SH3KBP1: variants seen among roughly 807,000 people sequenced by gnomAD.
The protein encoded by SH3KBP1 is SH3 domain-containing kinase-binding protein 1.
SH3KBP1 carries 8 observed loss-of-function variants against 50.1 expected under a neutral mutation model. The ratio of observed to expected loss-of-function variants is 0.16; its 90% CI spans 0.09 to 0.29. The LOEUF (loss-of-function observed/expected upper bound fraction) is 0.29. Ranked by LOEUF, SH3KBP1 falls within the 10% of genes least tolerant of loss-of-function variation. The pLI, the probability that SH3KBP1 is intolerant of heterozygous loss-of-function variation, is 1.00. For synonymous variants in SH3KBP1, 227 were observed against 218.6 expected (o/e 1.04, Z -0.34); for missense variants, 377 against 535.2 (o/e 0.70, Z 2.92).
At chrX:19,755,417 C>A (rs754993107) in intron 2 of SH3KBP1, among the ~76,000 whole-genome samples, 3 of 111,580 alleles carry the variant, frequency 2.7e-5, no homozygotes, top group Non-Finnish European at 5.7e-5. Flanking sequence ...AAGAATATAA[C>A]ATAGCAAACA....
At chrX:19,537,826 T>C (rs1045040286) in intron 16 of SH3KBP1, 46 bp from the exon 17 acceptor site, 14 of 1,037,771 alleles carry the variant, frequency 1.3e-5, no homozygotes, top group Admixed American at 1.3e-4. Context: ...CCAGACTTCC[T>C]TCATCAGAGA....
chrX:19,681,316 T>C (rs2063045453), intron 6 of SH3KBP1, among the ~76,000 whole-genome samples: 1 of 112,284 alleles, frequency 8.9e-6, no homozygotes, highest in Non-Finnish European at 1.9e-5. Flanking sequence ...CAGTGAACTA[T>C]ACAATTGATA....
chrX:19,798,466 G>C (rs1207512300), intron 2 of SH3KBP1, among the ~76,000 whole-genome samples: 1 of 111,172 alleles, frequency 9.0e-6, no homozygotes, highest in African/African-American at 3.3e-5. Context: ...AAGCTGGACG[G>C]GAAAGGGGTC....
rs746337763 is a variant in SH3KBP1, at chrX:19,847,415, G to A, written c.5-11133C>T. Among the ~76,000 whole-genome samples the A allele has an allele frequency of 1.8e-4, 20 of 110,875 alleles. No homozygotes were observed. The South Asian group carries it at 5.9e-3, about 33-fold the overall frequency. On this transcript the variant is annotated intron_variant, in intron 1 of 17. Transcript: ENST00000397821. ...AGGCACTCAAGAAATGCTTGTTGTC[G>A]AGGGGCAAGAAACTTGCAAGGATGA... is the stretch of plus-strand genomic sequence containing the variant.
intron 8 of SH3KBP1, 110 bp from the exon 9 acceptor site, chrX:19,608,155 G>A (rs2067297227): frequency 3.5e-6 from 2 of 572,577 alleles, no homozygotes; most frequent in African/African-American, 4.7e-5. Context: ...CCGTGTTAAT[G>A]AGGCAATGGT....
intron 3 of SH3KBP1, among the ~76,000 whole-genome samples, chrX:19,730,187 A>AT (rs1337423748): frequency 9.0e-6 from 1 of 111,460 alleles, no homozygotes; most frequent in Non-Finnish European, 1.9e-5. Context: ...AACTGGTATC[A>AT]TTTTTTCCCT....
intron 16 of SH3KBP1, among the ~76,000 whole-genome samples, chrX:19,541,718 C>G (rs183495882): frequency 8.9e-6 from 1 of 112,216 alleles, no homozygotes. Context: ...TTCCTGCACA[C>G]AGTAAGTCCA....
At chrX:19,635,407 C>T (rs1304622481) in intron 7 of SH3KBP1, among the ~76,000 whole-genome samples, 3 of 105,366 alleles carry the variant, frequency 2.8e-5, no homozygotes, top group Admixed American at 2.1e-4. Context: ...CAACACATAC[C>T]AGGGCCTGTT....
intron 3 of SH3KBP1, among the ~76,000 whole-genome samples, chrX:19,743,328 A>G (rs1489357032): frequency 9.1e-6 from 1 of 109,994 alleles, no homozygotes; most frequent in Non-Finnish European, 1.9e-5. Context: ...GGATCACCTG[A>G]GCCTGGGGAG....
intron 3 of SH3KBP1, among the ~76,000 whole-genome samples, chrX:19,743,286 T>C (rs919632862): frequency 9.1e-6 from 1 of 110,283 alleles, no homozygotes; most frequent in Non-Finnish European, 1.9e-5. Context: ...TCGTACCTTG[T>C]AGTCCCAGCT....
chrX:19,781,398 G>A (rs1036779901), intron 2 of SH3KBP1, among the ~76,000 whole-genome samples: 11 of 110,415 alleles, frequency 1.0e-4, no homozygotes, highest in Admixed American at 1.9e-4. Flanking sequence ...TGGGAGGATC[G>A]CTTAAGTACA....
At chrX:19,799,857 G>A in intron 2 of SH3KBP1, 2 of 994,788 alleles carry the variant, frequency 2.0e-6, no homozygotes, top group Non-Finnish European at 2.6e-6. Flanking sequence ...TCACACTGGT[G>A]GTTTTTTTGT....
At chrX:19,663,411 T>C (rs1213938753) in intron 6 of SH3KBP1, among the ~76,000 whole-genome samples, 1 of 111,807 alleles carries the variant, frequency 8.9e-6, no homozygotes, top group Non-Finnish European at 1.9e-5. Context: ...TGTCCTTTTC[T>C]ATTACAATGG....
intron 1 of SH3KBP1, among the ~76,000 whole-genome samples, chrX:19,836,505 A>G (rs2068060940): frequency 8.9e-6 from 1 of 111,899 alleles, no homozygotes; most frequent in African/African-American, 3.3e-5. Context: ...AGGGTGGCCT[A>G]CAGGTCTTGG....
At chrX:19,829,988 G>A (rs773385090) in intron 2 of SH3KBP1, among the ~76,000 whole-genome samples, 9 of 111,271 alleles carry the variant, frequency 8.1e-5, no homozygotes, top group South Asian at 7.7e-4. Flanking sequence ...TCATGGCACC[G>A]TTGGGAGTGT....
intron 13 of SH3KBP1, among the ~76,000 whole-genome samples, chrX:19,565,051 A>ATTTTTTTTTTTTTTTTTTT (rs59323105): frequency 4.5e-5 from 3 of 66,520 alleles, no homozygotes; most frequent in African/African-American, 2.3e-4. Context: ...TTCAACTCCA[A>ATTTTTTTTTTTTTTTTTTT]TTTTTTTTTT....
chrX:19,534,531 C>T lies in SH3KBP1; in HGVS notation c.*1886G>A, dbSNP rs890840099. The stretch of plus-strand genomic sequence containing the variant: ...AATCTGCATTCTTAGATCATTAGGT[C>T]GTGGGGAATCTCTGGAATCTTCAAG... On this transcript the variant is annotated 3_prime_UTR_variant, in exon 18 of 18. Transcript: ENST00000397821. 1.6e-5 allele frequency: 3 copies of T among 187,248 alleles called. No homozygotes were observed. The highest frequency in any genetic ancestry group is 7.8e-5 in the Admixed American group (1 of 12,884). The allele number at this position is 187,248 out of a possible 1,213,427, so 15.4% of individuals were successfully genotyped here.
At chrX:19,567,417 G>A (rs920535872) in intron 13 of SH3KBP1, among the ~76,000 whole-genome samples, 9 of 98,031 alleles carry the variant, frequency 9.2e-5, no homozygotes, top group Middle Eastern at 5.1e-3. Context: ...TACTCAGGAC[G>A]CTGGGGTGGG....
chrX:19,851,378 AAGG>A (rs1429669054), intron 1 of SH3KBP1, among the ~76,000 whole-genome samples: 4 of 112,418 alleles, frequency 3.6e-5, no homozygotes, highest in African/African-American at 1.3e-4. Context: ...CTGTCCAGAA[AAGG>A]AGGAGGAATT....
Sources: allele counts gnomAD v4.1 joint callset (sites outside exome capture counted in the v4.1 genomes callset), GRCh38; gene constraint gnomAD v4.1.1; transcripts MANE v1.5; gene names NCBI Gene and HGNC (gene_info 2026-07-23, HGNC 2026-07-21).